CDK6: variants seen among roughly 807,000 people sequenced by gnomAD.
CDK6 encodes the protein cyclin-dependent kinase 6.
A neutral mutation model predicts 37.1 loss-of-function variants in CDK6; 6 were observed. The ratio of observed to expected loss-of-function variants is 0.16; its 90% CI spans 0.09 to 0.32. CDK6 has a LOEUF of 0.32. Among genes scored for constraint, CDK6 ranks in the 10% least tolerant of loss-of-function variants. The pLI is 1.00. For missense variants in CDK6, 224 were observed against 418.9 expected, an observed-to-expected ratio of 0.53 and a Z score of 4.06; for synonymous variants, 160 against 161.3, an observed-to-expected ratio of 0.99 and a Z score of 0.06.
At chr7:92,691,275 T>G (rs1425600660) in intron 4 of CDK6, among the ~76,000 whole-genome samples, 1 of 152,140 alleles carries the variant, frequency 6.6e-6, no homozygotes, top group Non-Finnish European at 1.5e-5. Context: ...TGTAATACTG[T>G]GTGGCTGGAA....
At chr7:92,799,623 C>T (rs752846551) in intron 2 of CDK6, among the ~76,000 whole-genome samples, 6 of 152,026 alleles carry the variant, frequency 3.9e-5, no homozygotes, top group East Asian at 1.9e-4. Flanking sequence ...AATTTTGAAC[C>T]GCCTGTGCTG....
chr7:92,775,825 T>C (rs906552329), intron 2 of CDK6, among the ~76,000 whole-genome samples: 1 of 152,208 alleles, frequency 6.6e-6, no homozygotes, highest in African/African-American at 2.4e-5. Context: ...AATAAATGCC[T>C]TCTTCAAAGA....
rs899135936 is a variant in CDK6, at chr7:92,612,507, C to T, written c.*2633G>A. The T allele has an allele frequency of 8.6e-6, 2 of 232,992 alleles. No homozygotes were observed. The highest frequency in any genetic ancestry group is 4.4e-5 in the African/African-American group (2 of 45,348). 14.4% of individuals were successfully genotyped at this position (232,992 alleles called of 1,614,324 possible). On this transcript the variant is annotated 3_prime_UTR_variant, in exon 8 of 8. Transcript: ENST00000424848. ...AATACATAAATCAAGAGAGTATTCA[C>T]TCAAATGCAACAACTACACCGATGG...
In CDK6 at chr7:92,711,552, A is replaced by ATTTTTTTTT. The variant is rs11285626; in HGVS notation, c.537+14065_537+14073dup. On this transcript the variant is annotated intron_variant, in intron 4 of 7. Transcript: ENST00000424848. ...TTTTTTACCTACCTGGAATGGTCAA[A>ATTTTTTTTT]TTTTTTTTTTTTTTTTTTTTTTTTT... Among the ~76,000 whole-genome samples, 85 of 56,630 alleles carry ATTTTTTTTT rather than the reference A, an allele frequency of 1.5e-3. 3 individuals carry two copies. Among genetic ancestry groups the ATTTTTTTTT allele is most frequent in the African/African-American group, 5.8e-3 (71 of 12,220 alleles). 37.2% of individuals were successfully genotyped at this position (56,630 alleles called of 152,430 possible).
chr7:92,683,282 T>C (rs1331090052), intron 4 of CDK6, among the ~76,000 whole-genome samples: 1 of 152,232 alleles, frequency 6.6e-6, no homozygotes, highest in African/African-American at 2.4e-5. Context: ...ATTGGGTTTT[T>C]CCTTGCTATG....
chr7:92,795,606 C>T lies in CDK6; in HGVS notation c.234-20775G>A, dbSNP rs146970391. 2.0e-5 allele frequency among the ~76,000 whole-genome samples: 3 copies of T among 152,090 alleles called. No individual in the cohort carries two copies. The East Asian group carries it at 5.8e-4, about 29-fold the overall frequency. ...AATCACATCCTAGATAAGCCCTGTC[C>T]CAGTATGGATTAAGGGCATCATTAA... On this transcript the variant is annotated intron_variant, in intron 2 of 7. Coordinates refer to ENST00000424848, the MANE Select transcript of CDK6 (RefSeq NM_001145306.2).
intron 5 of CDK6, among the ~76,000 whole-genome samples, chr7:92,653,733 T>C (rs1796627442): frequency 6.6e-6 from 1 of 152,224 alleles, no homozygotes; most frequent in Non-Finnish European, 1.5e-5. Flanking sequence ...GTTTCTTTAA[T>C]TATGGCTTTT....
intron 4 of CDK6, among the ~76,000 whole-genome samples, chr7:92,673,484 T>C (rs1013520968): frequency 6.6e-6 from 1 of 152,178 alleles, no homozygotes; most frequent in Non-Finnish European, 1.5e-5. Context: ...AACACAAAAC[T>C]GACAATACTG....
intron 5 of CDK6, among the ~76,000 whole-genome samples, chr7:92,653,909 A>T (rs1796632060): frequency 6.6e-6 from 1 of 152,168 alleles, no homozygotes; most frequent in Non-Finnish European, 1.5e-5. Context: ...CCCGGCCTCA[A>T]GATCATCAAT....
chr7:92,765,790 C>G (rs1028975288), intron 3 of CDK6, among the ~76,000 whole-genome samples: 3 of 152,214 alleles, frequency 2.0e-5, no homozygotes, highest in Middle Eastern at 3.4e-3. Context: ...GAGATAATTT[C>G]AGCTAAGTGC....
At position 92,833,564 on chromosome 7, in the gene CDK6, TCGCCGC is replaced by T. The variant is rs552308183; in HGVS notation, c.-247_-242del. The T allele has an allele frequency of 7.1e-5, 38 of 535,886 alleles. No homozygotes were observed. The highest frequency in any genetic ancestry group is 1.2e-4 in the Non-Finnish European group (36 of 310,674). The allele number at this position is 535,886 out of a possible 1,614,324, so 33.2% of individuals were successfully genotyped here. A position where few individuals can be genotyped will look rare whatever the true frequency, so the allele number is the denominator to read the frequency against. On this transcript the variant is annotated 5_prime_UTR_variant, in exon 2 of 8. Coordinates refer to ENST00000424848, the MANE Select transcript of CDK6 (RefSeq NM_001145306.2). This position sits in a 1 kb window ranked among gnomAD's most constrained non-coding sequence, Gnocchi z 6.1. ...CCGCCGCGAAACTCCGCCTGCAGAG[TCGCCGC>T]CGCCGCCGCCGCCGGAGGAGCGAGC...
chr7:92,782,679 G>C (rs1173685956), intron 2 of CDK6, among the ~76,000 whole-genome samples: 2 of 152,104 alleles, frequency 1.3e-5, no homozygotes, highest in East Asian at 3.9e-4. Context: ...AGAGATTCCG[G>C]AAGACATTAT....
chr7:92,667,900 T>C (rs1171225515), intron 5 of CDK6, among the ~76,000 whole-genome samples: 2 of 152,068 alleles, frequency 1.3e-5, no homozygotes, highest in East Asian at 3.8e-4. Flanking sequence ...TAAGCCAAGG[T>C]TGTTATTATT....
Position 92,659,285 on chromosome 7 carries a change from G to A in CDK6, c.647+12141C>T, listed in dbSNP as rs184768370. ...AAAAAAGTCTGAACTGAGATGTGCT[G>A]TAAGTGTAAAATACACATTGGAGTT... On this transcript the variant is annotated intron_variant, in intron 5 of 7. Transcript: ENST00000424848. Among the ~76,000 whole-genome samples the A allele has an allele frequency of 9.4e-4, 143 of 152,254 alleles. 1 individual carries two copies. Among genetic ancestry groups the A allele is most frequent in the African/African-American group, 3.2e-3 (134 of 41,550 alleles).
chr7:92,801,284 TC>T (rs1800567349), intron 2 of CDK6, among the ~76,000 whole-genome samples: 1 of 152,184 alleles, frequency 6.6e-6, no homozygotes, highest in African/African-American at 2.4e-5. Flanking sequence ...GGAATTCCTT[TC>T]TTTAAACACT....
At chr7:92,804,802 T>C (rs1247980882) in intron 2 of CDK6, among the ~76,000 whole-genome samples, 1 of 152,166 alleles carries the variant, frequency 6.6e-6, no homozygotes, top group Non-Finnish European at 1.5e-5. Context: ...TATTAGATGT[T>C]AGTGGCAGTA....
intron 5 of CDK6, among the ~76,000 whole-genome samples, chr7:92,649,350 T>C (rs576590757): frequency 2.0e-4 from 30 of 152,262 alleles, no homozygotes; most frequent in Admixed American, 1.6e-3. Flanking sequence ...GCCTCACTAA[T>C]TTGAAGTTAA....
In CDK6 at chr7:92,833,419, G is replaced by A. The variant is rs1453876326; in HGVS notation, c.-96C>T. The A allele has an allele frequency of 4.7e-6, 4 of 848,004 alleles. No individual in the cohort carries two copies. Among genetic ancestry groups the A allele is most frequent in the African/African-American group, 1.8e-5 (1 of 56,862 alleles). 52.5% of individuals were successfully genotyped at this position (848,004 alleles called of 1,614,324 possible). A position where few individuals can be genotyped will look rare whatever the true frequency, so the allele number is the denominator to read the frequency against. ...CCGCTCGCCTACTCCGGGGCTCCCCGGAGATCGGTCTAGCTTTACTTGCTC... is the reference window on the plus strand; with the variant it reads ...CCGCTCGCCTACTCCGGGGCTCCCCAGAGATCGGTCTAGCTTTACTTGCTC... On this transcript the variant is annotated 5_prime_UTR_variant, in exon 2 of 8. Transcript: ENST00000424848. The surrounding 1 kb of genome is among the most constrained non-coding windows in gnomAD (Gnocchi z 6.1).
At chr7:92,648,136 G>A (rs951627620) in intron 5 of CDK6, among the ~76,000 whole-genome samples, 2 of 152,080 alleles carry the variant, frequency 1.3e-5, no homozygotes, top group Non-Finnish European at 2.9e-5. Context: ...CGTGCTTGCA[G>A]GTGTCATCTG....
Sources: allele counts gnomAD v4.1 joint callset (sites outside exome capture counted in the v4.1 genomes callset), GRCh38; gene constraint gnomAD v4.1.1; non-coding constraint Gnocchi (gnomAD v3.1); transcripts MANE v1.5; gene names NCBI Gene and HGNC (gene_info 2026-07-23, HGNC 2026-07-21).